The following PEBP4 variants were observed in gnomAD, a reference collection of about 807,000 sequenced individuals.
PEBP4 encodes phosphatidylethanolamine-binding protein 4.
A neutral mutation model predicts 23.9 loss-of-function variants in PEBP4; 22 were observed. The observed-to-expected ratio is 0.92, with a 90% CI of 0.66 to 1.31. The LOEUF is 1.31. Among genes scored for constraint, PEBP4 ranks in the 40% most tolerant of loss-of-function variants. The probability of loss-of-function intolerance (pLI) is 0.00; values close to 1 mark genes in which losing one functional copy is unlikely to be tolerated. For synonymous variants in PEBP4, 112 were observed against 99.3 expected (o/e 1.13, Z -0.76); for missense variants, 324 against 281.7 (o/e 1.15, Z -1.07).
intron 6 of PEBP4, among the ~76,000 whole-genome samples, chr8:22,719,353 C>A (rs953635512): frequency 4.6e-5 from 7 of 152,182 alleles, no homozygotes; most frequent in African/African-American, 1.7e-4. Flanking sequence ...GGGGATTTCC[C>A]CTGCTCGCTT....
chr8:22,734,768 C>G (rs1278394148), intron 4 of PEBP4, among the ~76,000 whole-genome samples: 1 of 151,908 alleles, frequency 6.6e-6, no homozygotes, highest in African/African-American at 2.4e-5. Flanking sequence ...GTGGATAAGA[C>G]AAGGGAGGGG....
intron 3 of PEBP4, among the ~76,000 whole-genome samples, chr8:22,829,465 T>C (rs60031458): frequency 0.036 from 5,551 of 152,254 alleles, 121 homozygotes; most frequent in African/African-American, 0.055. Context: ...AACATTCTCA[T>C]TGATGACTTC....
chr8:22,851,622 T>C (rs1207851954), intron 3 of PEBP4, among the ~76,000 whole-genome samples: 1 of 152,138 alleles, frequency 6.6e-6, no homozygotes, highest in East Asian at 1.9e-4. Context: ...TTAGAGTTAC[T>C]CGGGTCCTCA....
At chr8:22,935,031 T>C (rs1303179896) in intron 1 of PEBP4, among the ~76,000 whole-genome samples, 1 of 152,226 alleles carries the variant, frequency 6.6e-6, no homozygotes, top group Admixed American at 6.5e-5. Flanking sequence ...GGGCATTGTA[T>C]ATTGATAAGA....
chr8:22,903,396 G>C (rs547955237), intron 3 of PEBP4, among the ~76,000 whole-genome samples: 1 of 152,322 alleles, frequency 6.6e-6, no homozygotes, highest in Non-Finnish European at 1.5e-5. Context: ...GCACATGTCA[G>C]TGTGTGCCAA....
intron 4 of PEBP4, among the ~76,000 whole-genome samples, chr8:22,801,632 A>G (rs2128758849): frequency 6.6e-6 from 1 of 152,262 alleles, no homozygotes; most frequent in Middle Eastern, 3.4e-3. Context: ...CTTAGGGAAA[A>G]GGCAGAACCT....
chr8:22,917,752 G>T (rs1809107809), intron 3 of PEBP4, among the ~76,000 whole-genome samples: 1 of 152,212 alleles, frequency 6.6e-6, no homozygotes, highest in Non-Finnish European at 1.5e-5. Flanking sequence ...GCTGTAGAGG[G>T]TCACTGCTAG....
chr8:22,764,634 G>A (rs1458542630), intron 4 of PEBP4, among the ~76,000 whole-genome samples: 2 of 151,922 alleles, frequency 1.3e-5, no homozygotes, highest in African/African-American at 4.8e-5. Flanking sequence ...GAAGTATCAT[G>A]GGACTATGGA....
chr8:22,846,195 C>T (rs556606230), intron 3 of PEBP4, among the ~76,000 whole-genome samples: 30 of 152,318 alleles, frequency 2.0e-4, no homozygotes, highest in Admixed American at 3.3e-4. Context: ...TGGTCAGTGG[C>T]CTCTCACAGG....
chr8:22,730,174 A>G (rs186525729), intron 4 of PEBP4, among the ~76,000 whole-genome samples: 3 of 152,124 alleles, frequency 2.0e-5, no homozygotes, highest in African/African-American at 7.2e-5. Context: ...AAATACGGAG[A>G]TATTATCTGG....
intron 2 of PEBP4, among the ~76,000 whole-genome samples, chr8:22,923,798 TCCC>T (rs1202792216): frequency 6.6e-6 from 1 of 152,014 alleles, no homozygotes; most frequent in Non-Finnish European, 1.5e-5. Flanking sequence ...GCCCTTCCCT[TCCC>T]CCATGTGAAG....
chr8:22,855,018 A>G lies in PEBP4; in HGVS notation c.259-37283T>C, dbSNP rs1807614562. On this transcript the variant is annotated intron_variant, in intron 3 of 6. Coordinates refer to ENST00000256404, the MANE Select transcript of PEBP4 (RefSeq NM_144962.3). ...TATGCACGCACACACACACACACAC[A>G]CACACACACACACACACACACACAC... Among the ~76,000 whole-genome samples, 5 of 52,322 alleles carry G rather than the reference A, an allele frequency of 9.6e-5. 1 individual carries two copies. Among genetic ancestry groups the G allele is most frequent in the South Asian group, 1.5e-3 (2 of 1,318 alleles). 34.3% of individuals were successfully genotyped at this position (52,322 alleles called of 152,430 possible). A position where few individuals can be genotyped will look rare whatever the true frequency, so the allele number is the denominator to read the frequency against.
chr8:22,899,276 G>T (rs978041332), intron 3 of PEBP4, among the ~76,000 whole-genome samples: 4 of 152,216 alleles, frequency 2.6e-5, no homozygotes, highest in Admixed American at 6.5e-5. Flanking sequence ...GGGGCATTTG[G>T]CCATCATTGC....
chr8:22,791,489 C>T (rs564457570), intron 4 of PEBP4, among the ~76,000 whole-genome samples: 89 of 152,148 alleles, frequency 5.8e-4, no homozygotes, highest in African/African-American at 2.0e-3. Flanking sequence ...TCCAAGGGTG[C>T]GATCGACTAC....
At chr8:22,713,561 G>A (rs1804353308) in intron 6 of PEBP4, 25 bp from the exon 7 acceptor site, 1 of 1,614,026 alleles carries the variant, frequency 6.2e-7, no homozygotes, top group African/African-American at 1.3e-5. Context: ...AGACCACAGG[G>A]AGGCAGTGAG....
intron 2 of PEBP4, among the ~76,000 whole-genome samples, chr8:22,926,719 AT>A (rs1415741168): frequency 6.6e-6 from 1 of 152,266 alleles, no homozygotes; most frequent in Non-Finnish European, 1.5e-5. Context: ...TCTAAAAGTA[AT>A]GTTTGTCAAA....
At chr8:22,799,687 A>G (rs1382016953) in intron 4 of PEBP4, among the ~76,000 whole-genome samples, 1 of 152,134 alleles carries the variant, frequency 6.6e-6, no homozygotes, top group African/African-American at 2.4e-5. Context: ...ATATCTCCTA[A>G]TGCTATCCCT....
intron 4 of PEBP4, among the ~76,000 whole-genome samples, chr8:22,812,032 T>C (rs1457513627): frequency 6.6e-6 from 1 of 152,238 alleles, no homozygotes; most frequent in Non-Finnish European, 1.5e-5. Context: ...GATATTATCA[T>C]GCCCATTTTA....
chr8:22,750,620 C>T lies in PEBP4; in HGVS notation c.358-23400G>A, dbSNP rs1472176020. Among the ~76,000 whole-genome samples the T allele has an allele frequency of 3.9e-5, 6 of 152,076 alleles. No homozygotes were observed. In the East Asian group the frequency reaches 5.8e-4, roughly 15 times the overall value. On this transcript the variant is annotated intron_variant, in intron 4 of 6. Coordinates refer to ENST00000256404, the MANE Select transcript of PEBP4 (RefSeq NM_144962.3). ...TTCTATGGGAAGGAAGGGAATATCC[C>T]GTGGGAGTTTGTTTTTTTTCCTTGA... is the stretch of plus-strand genomic sequence containing the variant.
Sources: allele counts gnomAD v4.1 joint callset (sites outside exome capture counted in the v4.1 genomes callset), GRCh38; gene constraint gnomAD v4.1.1; transcripts MANE v1.5; gene names NCBI Gene and HGNC (gene_info 2026-07-23, HGNC 2026-07-21).